The following ANKLE1 variants were observed in gnomAD, a reference collection of about 807,000 sequenced individuals.
ANKLE1 encodes the protein ankyrin repeat and LEM domain containing 1, also known as structure-specific endonuclease ANKLE1.
A neutral mutation model predicts 56.2 loss-of-function variants in ANKLE1; 59 were observed. The ratio of observed to expected loss-of-function variants is 1.05; its 90% CI spans 0.85 to 1.30. The LOEUF is 1.30. Among genes scored for constraint, ANKLE1 ranks in the 50% most tolerant of loss-of-function variants. The pLI is 0.00. For synonymous variants in ANKLE1, 341 were observed against 352.9 expected, an observed-to-expected ratio of 0.97 and a Z score of 0.38; for missense variants, 771 against 816.1, an observed-to-expected ratio of 0.94 and a Z score of 0.67.
intron 8 of ANKLE1, 54 bp from the exon 9 acceptor site, chr19:17,286,326 G>A (rs1327799266): frequency 1.3e-6 from 2 of 1,513,574 alleles, no homozygotes; most frequent in Admixed American, 4.3e-5. Flanking sequence ...ACTTCTGCTG[G>A]ATGGGGAGGT....
intron 2 of ANKLE1, 91 bp from the exon 3 acceptor site, chr19:17,282,565 G>T: frequency 7.6e-7 from 1 of 1,308,988 alleles, no homozygotes; most frequent in South Asian, 1.3e-5. Context: ...CCGGGAGGCC[G>T]AGAACGAAGG....
intron 6 of ANKLE1, among the ~76,000 whole-genome samples, chr19:17,285,174 A>T (rs1347405949): frequency 6.6e-6 from 1 of 151,754 alleles, no homozygotes; most frequent in African/African-American, 2.4e-5. Context: ...CAGGAGAATC[A>T]CTTGAACCCA....
chr19:17,286,658 G>A lies in ANKLE1; in HGVS notation c.*106G>A. 1.5e-6 allele frequency: 1 copy of A among 687,794 alleles called. No homozygotes were observed. The highest frequency in any genetic ancestry group is 2.2e-6 in the Non-Finnish European group (1 of 454,432). The allele number at this position is 687,794 out of a possible 1,614,324, so 42.6% of individuals were successfully genotyped here. Reference sequence around the variant, plus strand: ...CTGGTTTCAGAAGGGGTGTGTGTGTGTGTGTGTGTGTGTGTGTGTGTGTGT... The same window carrying A: ...CTGGTTTCAGAAGGGGTGTGTGTGTATGTGTGTGTGTGTGTGTGTGTGTGT... On this transcript the variant is annotated 3_prime_UTR_variant, in exon 9 of 9. Transcript: ENST00000404085.
intron 6 of ANKLE1, 117 bp from the exon 7 acceptor site, chr19:17,285,314 C>A: frequency 7.9e-7 from 1 of 1,260,016 alleles, no homozygotes; most frequent in Non-Finnish European, 1.1e-6. Flanking sequence ...CTGACTCTCT[C>A]TGATCCTGTA....
chr19:17,281,954 C>T lies in ANKLE1; in HGVS notation c.34C>T (p.Arg12Trp), dbSNP rs112925678. The T allele has an allele frequency of 1.7e-3, 2,608 of 1,534,030 alleles. 45 individuals carry two copies. The African/African-American group carries it at 0.03, about 18-fold the overall frequency. Residue 12 changes from arginine to tryptophan, a missense_variant, in exon 1 of 9, where the codon CGG becomes TGG. By Grantham distance (101) the Arg-to-Trp change is moderately radical (BLOSUM62 -3). Transcript: ENST00000404085. The stretch of plus-strand genomic sequence containing the variant: ...GGAGGCCCGCCTGGCTCGCAGGTTG[C>T]GGGATGCGCTGCGGGAGGAGGAGCC... ...CSEARLARRL[R>W]DALREEEPWA...
chr19:17,282,463 G>T (rs936481710), intron 2 of ANKLE1, 193 bp from the exon 3 acceptor site: 2 of 803,688 alleles, frequency 2.5e-6, no homozygotes, highest in Non-Finnish European at 3.9e-6. Context: ...TGGAGTGGAG[G>T]CACCAGGGTC....
intron 6 of ANKLE1, 130 bp from the exon 7 acceptor site, chr19:17,285,301 C>A: frequency 9.0e-7 from 1 of 1,107,744 alleles, no homozygotes; most frequent in Non-Finnish European, 1.3e-6. Flanking sequence ...CTTTGGGGAG[C>A]CGCTGACTCT....
chr19:17,281,996 CG>C lies in ANKLE1; in HGVS notation c.62+19del, dbSNP rs1568339449. On this transcript the variant is annotated intron_variant, in intron 1 of 8. Coordinates refer to ENST00000404085, the MANE Select transcript of ANKLE1 (RefSeq NM_152363.6). ...GGAGGAGCCGTGGTGAGGGCGGGGC[CG>C]GGGGCGGGCCAGGAGTGGGGGTCTT... The C allele has an allele frequency of 6.5e-7, 1 of 1,534,126 alleles. No homozygotes were observed. Among genetic ancestry groups the C allele is most frequent in the Non-Finnish European group, 8.7e-7 (1 of 1,145,542 alleles).
intron 2 of ANKLE1, 24 bp from the exon 3 acceptor site, chr19:17,282,632 A>T: frequency 6.5e-7 from 1 of 1,530,252 alleles, no homozygotes; most frequent in South Asian, 1.2e-5. Flanking sequence ...GTCCGCAATG[A>T]CCCCTCTTGC....
intron 8 of ANKLE1, 119 bp downstream of exon 8, chr19:17,285,938 T>C: frequency 7.3e-7 from 1 of 1,373,036 alleles, no homozygotes; most frequent in Non-Finnish European, 9.9e-7. Context: ...GAGCACCAAC[T>C]TTGAACCTGC....
In ANKLE1 at chr19:17,286,616, G is replaced by A; in HGVS notation, c.*64G>A. 1 of 1,549,756 alleles carries A rather than the reference G, an allele frequency of 6.5e-7. No individual in the cohort carries two copies. The highest frequency in any genetic ancestry group is 8.7e-7 in the Non-Finnish European group (1 of 1,148,476). On this transcript the variant is annotated 3_prime_UTR_variant, in exon 9 of 9. Transcript: ENST00000404085. ...TTGAATGTTCCAGCTGCCCCATGCT[G>A]ACAGCAGCCCCCATCTCTGGTTTCA...
chr19:17,282,306 T>C (rs981361544), intron 2 of ANKLE1, 97 bp downstream of exon 2: 4 of 1,399,180 alleles, frequency 2.9e-6, no homozygotes, highest in African/African-American at 2.9e-5. Flanking sequence ...GCCTCGGGGC[T>C]CGAGGGTGGG....
Position 17,285,480 on chromosome 19 carries a change from C to A in ANKLE1, c.1426C>A (p.Arg476Ser), listed in dbSNP as rs139046298. 6.2e-7 allele frequency: 1 copy of A among 1,613,774 alleles called. No homozygotes were observed. Among genetic ancestry groups the A allele is most frequent in the Non-Finnish European group, 8.5e-7 (1 of 1,179,898 alleles). Residue 476 changes from arginine (R) to serine (S), a missense_variant, in exon 7 of 9, where the codon CGC (arginine) becomes AGC (serine). Coordinates refer to ENST00000404085, the MANE Select transcript of ANKLE1 (RefSeq NM_152363.6). ...AGCCTTCTCACTGACCCCAGCTGAG[C>A]GCCTTCAGACTTTCATCCGTGCCAT... ...ARAFSLTPAE[R>S]LQTFIRAIFY...
At position 17,282,966 on chromosome 19, in the gene ANKLE1, G is replaced by A. The variant is rs375511983; in HGVS notation, c.424G>A (p.Gly142Arg). 7.0e-6 allele frequency: 11 copies of A among 1,566,950 alleles called. No individual in the cohort carries two copies. In the African/African-American group the frequency reaches 1.2e-4, roughly 17 times the overall value. ...DTRTRTRTRIGAETQEPEPAP... is the reference protein window; with the variant it reads ...DTRTRTRTRIRAETQEPEPAP... ...GCGGACCAGGACCCGGACCCGGATCGGGGCAGAGACTCAGGAGCCCGAGCC... is the reference window on the plus strand; with the variant it reads ...GCGGACCAGGACCCGGACCCGGATCAGGGCAGAGACTCAGGAGCCCGAGCC... The change falls in exon 4 of 9, where the codon GGG becomes AGG. Residue 142 changes from glycine (G) to arginine (R), a missense_variant. Transcript: ENST00000404085.
rs1406911011 is a variant in ANKLE1, at chr19:17,287,641, A to G, written c.*1089A>G. On this transcript the variant is annotated 3_prime_UTR_variant, in exon 9 of 9. Coordinates refer to ENST00000404085, the MANE Select transcript of ANKLE1 (RefSeq NM_152363.6). ...TTAGTTTCTTAATAAATTTGCTTTC[A>G]CTGTACTCTATGAACTCGCCCTGGA... is the stretch of plus-strand genomic sequence containing the variant. 6.6e-6 allele frequency: 1 copy of G among 151,910 alleles called. No individual in the cohort carries two copies. Among genetic ancestry groups the G allele is most frequent in the East Asian group, 1.9e-4 (1 of 5,196 alleles). The allele number at this position is 151,910 out of a possible 1,614,324, so 9.4% of individuals were successfully genotyped here. A position where few individuals can be genotyped will look rare whatever the true frequency, so the allele number is the denominator to read the frequency against.
Position 17,284,171 on chromosome 19 carries a change from C to A in ANKLE1, c.1281C>A (p.Asp427Glu). 6.2e-7 allele frequency: 1 copy of A among 1,613,854 alleles called. No individual in the cohort carries two copies. The highest frequency in any genetic ancestry group is 8.5e-7 in the Non-Finnish European group (1 of 1,179,888). The part of the protein sequence containing the change: ...GCIPDVQADE[D>E]ALAQQFEQPD... ...TTCCAGATGTCCAGGCAGATGAAGA[C>A]GCGCTGGCCCAGCAGTTTGAGCAGC... The change falls in exon 6 of 9, where the codon GAC (aspartate) becomes GAA (glutamate). Residue 427 changes from aspartate (D) to glutamate (E), a missense_variant. Asp to Glu is a conservative substitution (Grantham distance 45, BLOSUM62 2). Coordinates refer to ENST00000404085, the MANE Select transcript of ANKLE1 (RefSeq NM_152363.6).
chr19:17,284,356 C>T, intron 6 of ANKLE1, 90 bp downstream of exon 6: 3 of 1,281,380 alleles, frequency 2.3e-6, no homozygotes, highest in Non-Finnish European at 3.2e-6. Context: ...AAGGGACTGG[C>T]CCTAGAATCA....
intron 8 of ANKLE1, 26 bp from the exon 9 acceptor site, chr19:17,286,352 CCT>C: frequency 2.6e-6 from 4 of 1,532,362 alleles, no homozygotes; most frequent in Non-Finnish European, 3.5e-6. Context: ...CATGGCTGCC[CCT>C]GTGACCCCAC....
In ANKLE1 at chr19:17,282,068, A is replaced by C. The variant is rs1246057063; in HGVS notation, c.74A>C (p.Glu25Ala). Residue 25 changes from glutamate (E) to alanine (A), a missense_variant, in exon 2 of 9, where the codon GAG (glutamate) becomes GCG (alanine). Glu to Ala is a moderately radical substitution (Grantham distance 107). Transcript: ENST00000404085. ...LREEEPWAVE[E>A]LLRCGADPNL... ...CGCGGTGTTTGCAGGGCAGTAGAGG[A>C]GCTGCTGCGCTGCGGCGCGGACCCT... The C allele has an allele frequency of 6.5e-7, 1 of 1,539,146 alleles. No homozygotes were observed. The highest frequency in any genetic ancestry group is 2.0e-5 in the Admixed American group (1 of 50,944).
Sources: allele counts gnomAD v4.1 joint callset (sites outside exome capture counted in the v4.1 genomes callset), GRCh38; gene constraint gnomAD v4.1.1; transcripts MANE v1.5; gene names NCBI Gene and HGNC (gene_info 2026-07-23, HGNC 2026-07-21).